The following RHCG variants were observed in gnomAD, a reference collection of about 807,000 sequenced individuals.
RHCG encodes Rh family C glycoprotein, also known as ammonium transporter Rh type C.
RHCG carries 39 observed loss-of-function variants against 55.3 expected under a neutral mutation model. The observed-to-expected ratio is 0.70, with a 90% CI of 0.55 to 0.92. The LOEUF is 0.92. Ranked by LOEUF, RHCG falls within the 40% of genes least tolerant of loss-of-function variation. The probability of loss-of-function intolerance (pLI) is 0.00; values close to 1 mark genes in which losing one functional copy is unlikely to be tolerated. For missense variants in RHCG, 635 were observed against 627.9 expected (o/e 1.01, Z -0.12); for synonymous variants, 250 against 246.8 (o/e 1.01, Z -0.12).
In RHCG at chr15:89,486,597, A is replaced by AGTGTGTGTGT. The variant is rs1441361243; in HGVS notation, c.371+201_371+202insACACACACAC. On this transcript the variant is annotated intron_variant, in intron 2 of 10. Coordinates refer to ENST00000268122, the MANE Select transcript of RHCG (RefSeq NM_016321.3). The stretch of plus-strand genomic sequence containing the variant: ...GAGAGAGAGAGAGAGAGAGAGAGAG[A>AGTGTGTGTGT]GAGTGTGTGTGTGTGTGTGTGTGTG... 7.0e-4 allele frequency: 228 copies of AGTGTGTGTGT among 327,042 alleles called. 3 individuals carry two copies. The highest frequency in any genetic ancestry group is 1.8e-3 in the African/African-American group (54 of 30,258). The allele number at this position is 327,042 out of a possible 1,614,324, so 20.3% of individuals were successfully genotyped here.
chr15:89,484,260 C>T (rs991891034), intron 2 of RHCG, among the ~76,000 whole-genome samples: 1 of 152,208 alleles, frequency 6.6e-6, no homozygotes, highest in Non-Finnish European at 1.5e-5. Flanking sequence ...GGGCCTAGTG[C>T]AGGGCCTGGC....
intron 1 of RHCG, among the ~76,000 whole-genome samples, chr15:89,491,728 T>C (rs992463528): frequency 2.0e-5 from 3 of 151,692 alleles, no homozygotes; most frequent in African/African-American, 7.3e-5. Context: ...GATTGTGCCA[T>C]CGCACTCCAG....
intron 1 of RHCG, among the ~76,000 whole-genome samples, chr15:89,496,151 C>T (rs985299591): frequency 1.3e-5 from 2 of 152,176 alleles, no homozygotes; most frequent in African/African-American, 4.8e-5. Context: ...AAAACCTCAT[C>T]CCGGTGTTTT....
At chr15:89,475,048 G>A (rs115729944) in intron 9 of RHCG, among the ~76,000 whole-genome samples, 10,575 of 95,596 alleles carry the variant, frequency 0.11, 604 homozygotes, top group Non-Finnish European at 0.15. Context: ...CTTCCTGCCC[G>A]CCTTCCTTCC....
rs1340174174 is a variant in RHCG, at chr15:89,493,434, C to T, written c.184+2927G>A. On this transcript the variant is annotated intron_variant, in intron 1 of 10. Coordinates refer to ENST00000268122, the MANE Select transcript of RHCG (RefSeq NM_016321.3). ...CATGCCTGCTACCTGCTGCAGGGCC[C>T]ATGCCTGGGGAGCTACCCTCGGGCC... Among the ~76,000 whole-genome samples the T allele has an allele frequency of 2.0e-5, 3 of 152,356 alleles. 1 individual carries two copies. The highest frequency in any genetic ancestry group is 4.1e-4 in the South Asian group (2 of 4,830).
At position 89,483,101 on chromosome 15, in the gene RHCG, G is replaced by A. The variant is rs1961296572; in HGVS notation, c.488C>T (p.Ala163Val). Residue 163 changes from alanine (A) to valine (V), a missense_variant, in exon 3 of 11, where the codon GCT becomes GTT. Coordinates refer to ENST00000268122, the MANE Select transcript of RHCG (RefSeq NM_016321.3). ...GTTAAGGAGAATGAACTCATTCACA[G>A]CGAAGAGGGTCACTTGGAAGAAAGT... ...IMTFFQVTLFAVNEFILLNLL... is the reference protein window; with the variant it reads ...IMTFFQVTLFVVNEFILLNLL... 6.2e-7 allele frequency: 1 copy of A among 1,605,812 alleles called. No individual in the cohort carries two copies. The highest frequency in any genetic ancestry group is 8.5e-7 in the Non-Finnish European group (1 of 1,173,212).
intron 1 of RHCG, among the ~76,000 whole-genome samples, chr15:89,493,028 C>CATGCAGTG: frequency 6.6e-6 from 1 of 152,356 alleles, no homozygotes; most frequent in African/African-American, 2.4e-5. Flanking sequence ...TTGGCTCCTC[C>CATGCAGTG]ATGCAGTGAT....
rs754584080 is a variant in RHCG at position 89,486,984 on chromosome 15, G to A, written c.186C>T (p.Ser62=). The A allele has an allele frequency of 1.3e-6, 2 of 1,590,912 alleles. No individual in the cohort carries two copies. The highest frequency in any genetic ancestry group is 1.1e-5 in the South Asian group (1 of 88,970). The change falls in exon 2 of 11, where the codon AGC becomes AGT. Residue 62 remains serine, a splice_region_variant and synonymous_variant. Transcript: ENST00000268122. ...MENEFYYRYP[S]FQDVHVMVFV... ...AGACCATCACGTGCACGTCCTGGAA[G>A]CCTGCGGGGACAGTGCAGCCCGGGA...
Position 89,480,457 on chromosome 15 carries a change from C to T in RHCG, c.523-49G>A. 4 of 1,583,382 alleles carry T rather than the reference C, an allele frequency of 2.5e-6. No individual in the cohort carries two copies. The South Asian group carries it at 3.5e-5, about 14-fold the overall frequency. The stretch of plus-strand genomic sequence containing the variant: ...ACTCTGGCACCTTCTCTCCCTCCCT[C>T]CTCATTGCCGTCCCTGTCTTGCCAC... On this transcript the variant is annotated intron_variant, in intron 3 of 10. Coordinates refer to ENST00000268122, the MANE Select transcript of RHCG (RefSeq NM_016321.3).
rs1040808749 is a variant in RHCG, at chr15:89,477,295, G to A, written c.1113-89C>T. On this transcript the variant is annotated intron_variant, in intron 7 of 10. Transcript: ENST00000268122. This position sits in a 1 kb window ranked among gnomAD's most constrained non-coding sequence, Gnocchi z 4.5. ...CCCCAAAAATGTGACCGGGTACCAC[G>A]GGCCTCAGCCTTCCCACCCACAACA... The A allele has an allele frequency of 1.1e-5, 17 of 1,551,554 alleles. No individual in the cohort carries two copies. Among genetic ancestry groups the A allele is most frequent in the South Asian group, 3.5e-5 (3 of 86,200 alleles).
chr15:89,493,366 C>T (rs982192228), intron 1 of RHCG, among the ~76,000 whole-genome samples: 3 of 152,212 alleles, frequency 2.0e-5, no homozygotes, highest in Non-Finnish European at 4.4e-5. Context: ...GGCTGCATCA[C>T]GGGCCTCCGA....
At chr15:89,494,978 G>A (rs1474052269) in intron 1 of RHCG, among the ~76,000 whole-genome samples, 1 of 152,120 alleles carries the variant, frequency 6.6e-6, no homozygotes, top group Non-Finnish European at 1.5e-5. Flanking sequence ...CTGTTTGCTG[G>A]AAAGTCCCCC....
Position 89,483,161 on chromosome 15 carries a change from A to C in RHCG, c.428T>G (p.Leu143Arg). ...ASVCVAFGAV[L>R]GKVSPIQLLI... is the part of the protein sequence containing the mutation. The stretch of plus-strand genomic sequence containing the variant: ...CAGCTGAATGGGGCTGACTTTACCC[A>C]GAACTGCCCCAAAGGCCACGCAGAC... The change falls in exon 3 of 11, where the codon CTG becomes CGG. Residue 143 changes from leucine (L) to arginine (R), a missense_variant. Physicochemically the swap from Leu to Arg is moderately radical, Grantham distance 102. Coordinates refer to ENST00000268122, the MANE Select transcript of RHCG (RefSeq NM_016321.3). 1 of 1,602,914 alleles carries C rather than the reference A, an allele frequency of 6.2e-7. No homozygotes were observed. Among genetic ancestry groups the C allele is most frequent in the South Asian group, 1.1e-5 (1 of 90,462 alleles).
chr15:89,493,441 G>A (rs1961512400), intron 1 of RHCG, among the ~76,000 whole-genome samples: 1 of 152,230 alleles, frequency 6.6e-6, no homozygotes, highest in Admixed American at 6.5e-5. Context: ...GCCCATGCCT[G>A]GGGAGCTACC....
At chr15:89,489,991 A>G (rs1056804708) in intron 1 of RHCG, among the ~76,000 whole-genome samples, 4 of 152,174 alleles carry the variant, frequency 2.6e-5, no homozygotes, top group African/African-American at 9.6e-5. Flanking sequence ...GAGAGTGCCA[A>G]GGTCGACTCT....
In RHCG at chr15:89,477,435, C is replaced by G. The variant is rs930942621; in HGVS notation, c.1112+82G>C. 6.4e-7 allele frequency: 1 copy of G among 1,556,534 alleles called. No individual in the cohort carries two copies. The highest frequency in any genetic ancestry group is 8.7e-7 in the Non-Finnish European group (1 of 1,145,816). ...GGAAGGAAAGGGAGAAAGATGCAGT[C>G]GGGTCCCAGAGGAATAGCAGGAAGA... is the stretch of plus-strand genomic sequence containing the variant. On this transcript the variant is annotated intron_variant, in intron 7 of 10. Coordinates refer to ENST00000268122, the MANE Select transcript of RHCG (RefSeq NM_016321.3). The surrounding 1 kb of genome is among the most constrained non-coding windows in gnomAD (Gnocchi z 4.5).
intron 2 of RHCG, 200 bp downstream of exon 2, chr15:89,486,599 A>AGAGTGTGAGTGTGT: frequency 4.0e-4 from 107 of 264,416 alleles, no homozygotes; most frequent in African/African-American, 9.1e-4. Context: ...AGAGAGAGAG[A>AGAGTGTGAGTGTGT]GTGTGTGTGT....
chr15:89,481,692 C>A (rs1184361402), intron 3 of RHCG, among the ~76,000 whole-genome samples: 2 of 152,218 alleles, frequency 1.3e-5, no homozygotes, highest in South Asian at 4.1e-4. Flanking sequence ...ACAGGAAGTG[C>A]CTTATAACAA....
chr15:89,483,418 C>A (rs906607774), intron 2 of RHCG, among the ~76,000 whole-genome samples: 2 of 152,146 alleles, frequency 1.3e-5, no homozygotes, highest in African/African-American at 4.8e-5. Context: ...ACTAGTACAG[C>A]AGCACACACC....
Sources: allele counts gnomAD v4.1 joint callset (sites outside exome capture counted in the v4.1 genomes callset), GRCh38; gene constraint gnomAD v4.1.1; non-coding constraint Gnocchi (gnomAD v3.1); transcripts MANE v1.5; gene names NCBI Gene and HGNC (gene_info 2026-07-23, HGNC 2026-07-21).